Variants in TIAM1 observed in about 807,000 individuals in gnomAD.
The protein encoded by TIAM1 is rho guanine nucleotide exchange factor TIAM1.
Under a neutral mutation model 163.5 loss-of-function variants are expected in TIAM1, and 65 were observed. That is an observed-to-expected ratio of 0.40 (90% confidence interval 0.33 to 0.49). The LOEUF (loss-of-function observed/expected upper bound fraction) is 0.49, where lower values mean the gene tolerates loss of function less well. Among genes scored for constraint, TIAM1 ranks in the 20% least tolerant of loss-of-function variants. The probability of loss-of-function intolerance (pLI) is 0.77; values close to 1 mark genes in which losing one functional copy is unlikely to be tolerated. For missense variants in TIAM1, 1,789 were observed against 2,044.7 expected (o/e 0.87, Z 2.41); for synonymous variants, 833 against 810.1 (o/e 1.03, Z -0.48).
intron 1 of TIAM1, among the ~76,000 whole-genome samples, chr21:31,483,811 A>AT (rs892908381): frequency 1.3e-5 from 2 of 152,014 alleles, no homozygotes; most frequent in African/African-American, 4.8e-5. Flanking sequence ...AAGGTCCAAT[A>AT]TAAGAAACTC....
intron 2 of TIAM1, among the ~76,000 whole-genome samples, chr21:31,359,805 AAAGG>A (rs767750965): frequency 0.11 from 10,120 of 90,586 alleles, 648 homozygotes; most frequent in East Asian, 0.29. Context: ...AAAGAAAGAA[AAAGG>A]AAGGAAGGAA....
intron 18 of TIAM1, 29 bp downstream of exon 18, chr21:31,153,037 T>C (rs753210856): frequency 6.2e-7 from 1 of 1,603,960 alleles, no homozygotes. Flanking sequence ...GGTATGATGG[T>C]CACAAAGTTG....
chr21:31,281,983 TAAG>T (rs2073590114), intron 2 of TIAM1, among the ~76,000 whole-genome samples: 2 of 152,196 alleles, frequency 1.3e-5, no homozygotes, highest in South Asian at 4.1e-4. Flanking sequence ...AACTGTTACT[TAAG>T]AAAAAACTTG....
At chr21:31,300,179 C>G (rs1273142838) in intron 2 of TIAM1, among the ~76,000 whole-genome samples, 25 of 152,150 alleles carry the variant, frequency 1.6e-4, no homozygotes, top group Admixed American at 1.5e-3. Flanking sequence ...CACCTCCCCA[C>G]TCGGTATCTT....
intron 2 of TIAM1, among the ~76,000 whole-genome samples, chr21:31,396,134 T>C (rs2077064117): frequency 6.6e-6 from 1 of 152,206 alleles, no homozygotes; most frequent in Admixed American, 6.5e-5. Context: ...TTTTCCATCT[T>C]CTCTGCAAAA....
At chr21:31,421,153 GA>G (rs71193116) in intron 2 of TIAM1, among the ~76,000 whole-genome samples, 11 of 149,150 alleles carry the variant, frequency 7.4e-5, no homozygotes, top group African/African-American at 2.5e-5. Flanking sequence ...GAAAAGAAAA[GA>G]AAAAAAAAGA....
chr21:31,509,254 T>C (rs2047132756), intron 1 of TIAM1, among the ~76,000 whole-genome samples: 1 of 152,152 alleles, frequency 6.6e-6, no homozygotes, highest in Non-Finnish European at 1.5e-5. Context: ...GAACCACTAC[T>C]ACAGCTGGGA....
chr21:31,529,455 G>GGGAACATA lies in TIAM1; in HGVS notation c.-422+29471_-422+29472insTATGTTCC, dbSNP rs532589951. ...ATAAGATTTCAGAAACGAGGAGTAT[G>GGGAACATA]TTCCCTTCAGTAGCTCTTGAATACC... On this transcript the variant is annotated intron_variant, in intron 1 of 28. Coordinates refer to the TIAM1 transcript ENST00000286827. 1.0e-3 allele frequency among the ~76,000 whole-genome samples: 158 copies of GGGAACATA among 152,286 alleles called. 3 individuals are homozygous for GGGAACATA. The highest frequency in any genetic ancestry group is 7.5e-3 in the South Asian group (36 of 4,830).
At position 31,141,307 on chromosome 21, in the gene TIAM1, T is replaced by C; in HGVS notation, c.3655+18A>G. The C allele has an allele frequency of 3.7e-6, 6 of 1,613,606 alleles. No individual in the cohort carries two copies. Among genetic ancestry groups the C allele is most frequent in the Non-Finnish European group, 5.1e-6 (6 of 1,179,720 alleles). ...CATGGAGACTCAGGCCTGCCGGGGG[T>C]CCCAGGCCGAGGCCTACCGTCCAGG... is the stretch of plus-strand genomic sequence containing the variant. On this transcript the variant is annotated intron_variant, in intron 21 of 27. Transcript: ENST00000541036. This position sits in a 1 kb window ranked among gnomAD's most constrained non-coding sequence, Gnocchi z 4.7.
At chr21:31,369,845 C>A (rs969466287) in intron 2 of TIAM1, among the ~76,000 whole-genome samples, 3 of 152,054 alleles carry the variant, frequency 2.0e-5, no homozygotes, top group Non-Finnish European at 4.4e-5. Context: ...ATTAGCTGGG[C>A]GTGGTGGCAC....
intron 1 of TIAM1, among the ~76,000 whole-genome samples, chr21:31,502,569 C>T (rs974005440): frequency 6.6e-6 from 1 of 152,148 alleles, no homozygotes; most frequent in Non-Finnish European, 1.5e-5. Flanking sequence ...GAACTAAGGA[C>T]AGGATTTCAG....
intron 2 of TIAM1, among the ~76,000 whole-genome samples, chr21:31,444,315 G>A (rs2044539080): frequency 7.2e-6 from 1 of 139,836 alleles, no homozygotes; most frequent in African/African-American, 2.7e-5. Context: ...AACAGCTGTT[G>A]AGAAATACAG....
intron 2 of TIAM1, among the ~76,000 whole-genome samples, chr21:31,333,066 T>C (rs959817157): frequency 1.3e-5 from 2 of 152,168 alleles, no homozygotes; most frequent in African/African-American, 2.4e-5. Flanking sequence ...AGACCCCATC[T>C]CTCAAAAGCA....
At chr21:31,271,227 C>T (rs906589862) in intron 3 of TIAM1, among the ~76,000 whole-genome samples, 2 of 148,138 alleles carry the variant, frequency 1.4e-5, no homozygotes, top group African/African-American at 2.6e-5. Context: ...AAAAAAAACA[C>T]CAAAAACCCA....
In TIAM1 at chr21:31,350,842, T is replaced by C. The variant is rs371209246; in HGVS notation, c.-368-11420A>G. Reference sequence around the variant, plus strand: ...GAATGGCCCAATACACGATGAGACATCTAGCACAGGGGTAGGATGGTGAAG... The same window carrying C: ...GAATGGCCCAATACACGATGAGACACCTAGCACAGGGGTAGGATGGTGAAG... On this transcript the variant is annotated intron_variant, in intron 2 of 28. Coordinates refer to the TIAM1 transcript ENST00000286827. Among the ~76,000 whole-genome samples the C allele has an allele frequency of 2.4e-3, 367 of 152,324 alleles. 21 individuals are homozygous for C. The South Asian group carries it at 0.073, about 30-fold the overall frequency.
intron 4 of TIAM1, among the ~76,000 whole-genome samples, chr21:31,259,114 G>A (rs1450815349): frequency 6.7e-6 from 1 of 149,924 alleles, no homozygotes; most frequent in Admixed American, 6.7e-5. Context: ...CTTATACTAG[G>A]AATGTGATCT....
At chr21:31,257,127 T>C (rs2072158390) in intron 4 of TIAM1, among the ~76,000 whole-genome samples, 1 of 152,254 alleles carries the variant, frequency 6.6e-6, no homozygotes. Flanking sequence ...CTCTACATTA[T>C]AAATTAGTAA....
intron 2 of TIAM1, among the ~76,000 whole-genome samples, chr21:31,312,741 C>T (rs912642615): frequency 6.6e-6 from 1 of 152,136 alleles, no homozygotes; most frequent in African/African-American, 2.4e-5. Flanking sequence ...GAAATTCCAA[C>T]GCAGGTCCAC....
chr21:31,411,382 G>C (rs2077354826), intron 2 of TIAM1, among the ~76,000 whole-genome samples: 1 of 152,006 alleles, frequency 6.6e-6, no homozygotes, highest in Non-Finnish European at 1.5e-5. Context: ...TCAAACTCCA[G>C]GAGCCATTCA....
Sources: gnomAD v4.1 joint callset for allele counts (sites outside exome capture counted in the v4.1 genomes callset) on GRCh38, gnomAD v4.1.1 for gene constraint, Gnocchi (gnomAD v3.1) non-coding constraint, MANE v1.5 for transcripts, NCBI Gene and HGNC (gene_info 2026-07-23, HGNC 2026-07-21) for gene names.